RNF180: variants seen among roughly 807,000 people sequenced by gnomAD.
RNF180 encodes E3 ubiquitin-protein ligase RNF180.
Under a neutral mutation model 59.2 loss-of-function variants are expected in RNF180, and 38 were observed. The observed-to-expected ratio is 0.64, with a 90% confidence interval of 0.50 to 0.84. RNF180 has a LOEUF of 0.84. Ranked by LOEUF, RNF180 falls within the 40% of genes least tolerant of loss-of-function variation. The probability of loss-of-function intolerance (pLI) is 0.00; values close to 1 mark genes in which losing one functional copy is unlikely to be tolerated. For synonymous variants in RNF180, 262 were observed against 240.3 expected (o/e 1.09, Z -0.84); for missense variants, 705 against 700.9 (o/e 1.01, Z -0.07).
chr5:64,321,373 C>T (rs1240623795), intron 5 of RNF180, among the ~76,000 whole-genome samples: 1 of 152,086 alleles, frequency 6.6e-6, no homozygotes, highest in African/African-American at 2.4e-5. Context: ...TTCCTATACA[C>T]CAGCAATAGA....
At chr5:64,208,600 G>A (rs1318430786) in intron 2 of RNF180, among the ~76,000 whole-genome samples, 1 of 151,968 alleles carries the variant, frequency 6.6e-6, no homozygotes, top group Non-Finnish European at 1.5e-5. Context: ...AAATAAAAAT[G>A]TATTTTTTCT....
rs1752484933 is a variant in RNF180, at chr5:64,214,135, C to T, written c.809C>T (p.Pro270Leu). The T allele has an allele frequency of 7.4e-6, 12 of 1,613,952 alleles. No individual in the cohort carries two copies. Among genetic ancestry groups the T allele is most frequent in the Non-Finnish European group, 1.0e-5 (12 of 1,180,026 alleles). The change falls in exon 4 of 8, where the codon CCT (proline) becomes CTT (leucine). Residue 270 changes from proline (P) to leucine (L), a missense_variant. Coordinates refer to ENST00000389100, the MANE Select transcript of RNF180 (RefSeq NM_001113561.2). ...CAGCCTATTGACCTTTCAGGCTTGCCTTTACAATCTAGTAAAAATAGCTAT... is the reference window on the plus strand; with the variant it reads ...CAGCCTATTGACCTTTCAGGCTTGCTTTTACAATCTAGTAAAAATAGCTAT... ...ETQPIDLSGL[P>L]LQSSKNSYSF...
chr5:64,194,469 G>A (rs1293677189), intron 1 of RNF180, among the ~76,000 whole-genome samples: 1 of 152,138 alleles, frequency 6.6e-6, no homozygotes, highest in Non-Finnish European at 1.5e-5. Flanking sequence ...AAACATCCGT[G>A]TGCATGTGTC....
rs1299777221 is a variant in RNF180 at position 64,338,045 on chromosome 5, G to C, written c.1579+7639G>C. ...CAGTAATGGGATGGCTGGGTCAAAT[G>C]GTATTTCTAGTTCTAGATCCCTGAG... On this transcript the variant is annotated intron_variant, in intron 7 of 7. Transcript: ENST00000389100. Among the ~76,000 whole-genome samples the C allele has an allele frequency of 2.6e-5, 4 of 152,134 alleles. No individual in the cohort carries two copies. In the East Asian group the frequency reaches 5.8e-4, roughly 22 times the overall value.
chr5:64,287,943 T>G (rs1195164432), intron 5 of RNF180, among the ~76,000 whole-genome samples: 2 of 152,226 alleles, frequency 1.3e-5, no homozygotes, highest in Non-Finnish European at 2.9e-5. Flanking sequence ...TTTTTGCAAT[T>G]GCTATTGGCA....
At chr5:64,330,459 T>C in intron 7 of RNF180, 53 bp downstream of exon 7, 1 of 1,468,884 alleles carries the variant, frequency 6.8e-7, no homozygotes, top group Non-Finnish European at 9.1e-7. Flanking sequence ...CTAAGGTCTG[T>C]TCTTAAAAGT....
chr5:64,261,425 C>T (rs1425968869), intron 5 of RNF180, among the ~76,000 whole-genome samples: 2 of 152,024 alleles, frequency 1.3e-5, no homozygotes, highest in Non-Finnish European at 2.9e-5. Flanking sequence ...AAAGCACCTG[C>T]GAAATTGGAC....
At chr5:64,331,723 G>A (rs999885737) in intron 7 of RNF180, among the ~76,000 whole-genome samples, 1 of 152,138 alleles carries the variant, frequency 6.6e-6, no homozygotes, top group African/African-American at 2.4e-5. Context: ...TAAAAGAACT[G>A]TAACACAATA....
At chr5:64,222,559 G>A (rs1403521580) in intron 5 of RNF180, among the ~76,000 whole-genome samples, 1 of 152,200 alleles carries the variant, frequency 6.6e-6, no homozygotes, top group African/African-American at 2.4e-5. Flanking sequence ...GGTGTGAAAT[G>A]CTGTGCACCA....
intron 5 of RNF180, among the ~76,000 whole-genome samples, chr5:64,290,247 G>A (rs1742505090): frequency 6.6e-6 from 1 of 152,150 alleles, no homozygotes; most frequent in African/African-American, 2.4e-5. Flanking sequence ...CTGAAAGACT[G>A]TTATGATTTC....
At chr5:64,260,505 A>G (rs1744272397) in intron 5 of RNF180, among the ~76,000 whole-genome samples, 1 of 152,176 alleles carries the variant, frequency 6.6e-6, no homozygotes, top group Admixed American at 6.6e-5. Context: ...TGAGTAGGTC[A>G]TGTTACTTCT....
intron 5 of RNF180, among the ~76,000 whole-genome samples, chr5:64,317,961 T>G (rs1744150620): frequency 6.6e-6 from 1 of 152,172 alleles, no homozygotes; most frequent in South Asian, 2.1e-4. Context: ...TATAATAAAG[T>G]ATTGACTATC....
At position 64,304,131 on chromosome 5, in the gene RNF180, C is replaced by A. The variant is rs141002590; in HGVS notation, c.1228-21055C>A. ...TTAAGCCCACTATTGAGATCTCCTT[C>A]CCAGAAAAAAAAAGGCTTTTCAAAA... On this transcript the variant is annotated intron_variant, in intron 5 of 7. Transcript: ENST00000389100. Among the ~76,000 whole-genome samples the A allele has an allele frequency of 2.0e-5, 3 of 149,246 alleles. No homozygotes were observed. In the East Asian group the frequency reaches 5.9e-4, roughly 29 times the overall value.
rs1194356313 is a variant in RNF180 at position 64,359,830 on chromosome 5, A to G, written c.1580-9785A>G. ...TTTTTGTATAAGGTGTAAGGAAGGG[A>G]TCCAGTTTCAGCTTTCTACATATGG... On this transcript the variant is annotated intron_variant, in intron 7 of 7. Coordinates refer to ENST00000389100, the MANE Select transcript of RNF180 (RefSeq NM_001113561.2). 2.6e-5 allele frequency among the ~76,000 whole-genome samples: 4 copies of G among 152,098 alleles called. No individual in the cohort carries two copies. The East Asian group carries it at 7.8e-4, about 30-fold the overall frequency.
intron 1 of RNF180, among the ~76,000 whole-genome samples, chr5:64,192,766 C>A (rs963067511): frequency 6.6e-6 from 1 of 151,530 alleles, no homozygotes; most frequent in South Asian, 2.1e-4. Flanking sequence ...GATGTATATA[C>A]AGAATAATTG....
intron 5 of RNF180, among the ~76,000 whole-genome samples, chr5:64,255,950 GTGA>G (rs1743920927): frequency 6.6e-6 from 1 of 152,194 alleles, no homozygotes; most frequent in African/African-American, 2.4e-5. Flanking sequence ...CTGATGGCCA[GTGA>G]TGATGAGCAT....
intron 5 of RNF180, among the ~76,000 whole-genome samples, chr5:64,266,777 G>A (rs913141991): frequency 6.6e-6 from 1 of 152,158 alleles, no homozygotes; most frequent in Middle Eastern, 3.4e-3. Context: ...TCGAGAAAAG[G>A]ACAGGACAGA....
chr5:64,369,760 G>C lies in RNF180; in HGVS notation c.1725G>C (p.Trp575Cys). ...TCATATATATTTATTCAGTGAACTGGGTCATTGGATTCATTGTTTTCTGCT... is the reference window on the plus strand; with the variant it reads ...TCATATATATTTATTCAGTGAACTGCGTCATTGGATTCATTGTTTTCTGCT... ...MVIIYIYSVN[W>C]VIGFIVFCFL... The change falls in exon 8 of 8, where the codon TGG becomes TGC. Residue 575 changes from tryptophan (W) to cysteine (C), a missense_variant. Coordinates refer to ENST00000389100, the MANE Select transcript of RNF180 (RefSeq NM_001113561.2). The C allele has an allele frequency of 6.5e-7, 1 of 1,530,748 alleles. No homozygotes were observed. Among genetic ancestry groups the C allele is most frequent in the South Asian group, 1.3e-5 (1 of 79,882 alleles). The allele number at this position is 1,530,748 out of a possible 1,614,324, so 94.8% of individuals were successfully genotyped here. A position where few individuals can be genotyped will look rare whatever the true frequency, so the allele number is the denominator to read the frequency against.
chr5:64,203,004 A>G (rs1579992443), intron 2 of RNF180, among the ~76,000 whole-genome samples: 1 of 152,204 alleles, frequency 6.6e-6, no homozygotes, highest in South Asian at 2.1e-4. Flanking sequence ...ATATCATATG[A>G]TGTCACTTCT....
Sources: allele counts gnomAD v4.1 joint callset (sites outside exome capture counted in the v4.1 genomes callset), GRCh38; gene constraint gnomAD v4.1.1; transcripts MANE v1.5; gene names NCBI Gene and HGNC (gene_info 2026-07-23, HGNC 2026-07-21).